CSMD1: variants seen among roughly 807,000 people sequenced by gnomAD.
The protein encoded by CSMD1 is CUB and Sushi multiple domains 1, also known as CUB and sushi domain-containing protein 1.
In CSMD1, 213 loss-of-function variants were observed where a neutral mutation model predicts 417.5. The observed-to-expected ratio is 0.51, with a 90% CI of 0.46 to 0.57. The LOEUF is 0.57. Among genes scored for constraint, CSMD1 ranks in the 20% least tolerant of loss-of-function variants. CSMD1 has a pLI of 0.00. For synonymous variants in CSMD1, 2,862 were observed against 1,736.8 expected, an observed-to-expected ratio of 1.65 and a Z score of -16.11; for missense variants, 6,923 against 4,529.7, an observed-to-expected ratio of 1.53 and a Z score of -15.17.
intron 5 of CSMD1, among the ~76,000 whole-genome samples, chr8:3,807,284 T>C (rs892992312): frequency 1.3e-5 from 2 of 152,170 alleles, no homozygotes; most frequent in South Asian, 2.1e-4. Context: ...AAGCAACCTA[T>C]ACCGCATGCC....
chr8:3,717,238 A>T (rs1405772603), intron 6 of CSMD1, among the ~76,000 whole-genome samples: 4 of 152,172 alleles, frequency 2.6e-5, no homozygotes, highest in African/African-American at 9.7e-5. Flanking sequence ...CCTTTCCATT[A>T]TGCTACATTT....
intron 5 of CSMD1, among the ~76,000 whole-genome samples, chr8:3,893,345 AT>A (rs1563184994): frequency 7.9e-6 from 1 of 127,318 alleles, no homozygotes; most frequent in Non-Finnish European, 1.7e-5. Flanking sequence ...AATTTTATAT[AT>A]ATATATATAT....
chr8:4,414,392 G>T (rs1030669427), intron 3 of CSMD1, among the ~76,000 whole-genome samples: 1 of 152,120 alleles, frequency 6.6e-6, no homozygotes, highest in Non-Finnish European at 1.5e-5. Context: ...GGACTGTATA[G>T]AACTGTAGGC....
chr8:4,080,424 C>A (rs2130810619), intron 3 of CSMD1, among the ~76,000 whole-genome samples: 1 of 152,256 alleles, frequency 6.6e-6, no homozygotes. Flanking sequence ...AGTAATCATG[C>A]CATTACATAC....
rs549730174 is a variant in CSMD1 at position 4,766,944 on chromosome 8, TTGAC to T, written c.86-129390_86-129387del. Among the ~76,000 whole-genome samples the T allele has an allele frequency of 2.2e-4, 33 of 152,346 alleles. No individual in the cohort carries two copies. The East Asian group carries it at 5.2e-3, about 24-fold the overall frequency. On this transcript the variant is annotated intron_variant, in intron 1 of 69. Transcript: ENST00000635120. The stretch of plus-strand genomic sequence containing the variant: ...TATTAAAAATATGTACAGAGACACT[TTGAC>T]TGAGTTAAGATAAGAAGATAGTCTA...
intron 49 of CSMD1, among the ~76,000 whole-genome samples, chr8:3,075,499 T>C (rs1228230963): frequency 1.3e-5 from 2 of 151,806 alleles, no homozygotes; most frequent in African/African-American, 4.8e-5. Context: ...CAGGCTGGTC[T>C]CGAACTCCCA....
At position 4,889,097 on chromosome 8, in the gene CSMD1, G is replaced by A. The variant is rs139511675; in HGVS notation, c.85+105235C>T. 1.3e-3 allele frequency among the ~76,000 whole-genome samples: 196 copies of A among 152,172 alleles called. 4 individuals are homozygous for A. The highest frequency in any genetic ancestry group is 4.3e-3 in the African/African-American group (180 of 41,468). ...AGTGAATGAACGTTTGATGAGAAACGGAATATGTGCAATGTCCGAAAGTAT... is the reference window on the plus strand; with the variant it reads ...AGTGAATGAACGTTTGATGAGAAACAGAATATGTGCAATGTCCGAAAGTAT... On this transcript the variant is annotated intron_variant, in intron 1 of 69. Coordinates refer to ENST00000635120, the MANE Select transcript of CSMD1 (RefSeq NM_033225.6).
intron 2 of CSMD1, among the ~76,000 whole-genome samples, chr8:4,463,784 G>C (rs73178987): frequency 6.6e-6 from 1 of 152,082 alleles, no homozygotes; most frequent in African/African-American, 2.4e-5. Flanking sequence ...TGGATACTGG[G>C]TTTTTTGCAT....
Position 3,492,121 on chromosome 8 carries a change from C to T in CSMD1, c.1448+1502G>A, listed in dbSNP as rs114876225. Among the ~76,000 whole-genome samples the T allele has an allele frequency of 6.7e-3, 1,018 of 152,296 alleles. 9 individuals are homozygous for T. The highest frequency in any genetic ancestry group is 0.023 in the African/African-American group (959 of 41,572). On this transcript the variant is annotated intron_variant, in intron 11 of 69. Transcript: ENST00000635120. ...CCTCCAGCAAAGGCGTGTGTCTGAA[C>T]TACTTAAGATCTTTAACCTATTGGG...
chr8:4,584,996 C>G (rs781273501), intron 2 of CSMD1, among the ~76,000 whole-genome samples: 2 of 151,718 alleles, frequency 1.3e-5, no homozygotes, highest in Non-Finnish European at 1.5e-5. Context: ...AAACCTCAAC[C>G]AGACTCTCAA....
In CSMD1 at chr8:2,978,545, G is replaced by A. The variant is rs1805128085; in HGVS notation, c.8566+67C>T. 21 of 1,268,200 alleles carry A rather than the reference G, an allele frequency of 1.7e-5. 1 individual carries two copies. In the South Asian group the frequency reaches 2.7e-4, roughly 16 times the overall value. The allele number at this position is 1,268,200 out of a possible 1,614,324, so 78.6% of individuals were successfully genotyped here. The stretch of plus-strand genomic sequence containing the variant: ...TTCAGTGCCTTTTAAATATACTTAC[G>A]GAATTTTCTGCTGATGGTGACCTTG... On this transcript the variant is annotated intron_variant, in intron 55 of 69. Transcript: ENST00000635120.
chr8:3,155,359 ATTTTTTTTTTTTT>A lies in CSMD1; in HGVS notation c.5914+2525_5914+2537del, dbSNP rs556304192. 1.2e-4 allele frequency among the ~76,000 whole-genome samples: 5 copies of A among 43,316 alleles called. 1 individual carries two copies. The highest frequency in any genetic ancestry group is 1.4e-4 in the Non-Finnish European group (3 of 21,376). The allele number at this position is 43,316 out of a possible 152,430, so 28.4% of individuals were successfully genotyped here. ...TTTTTCCTTCCAAATCAAGGCTGGG[ATTTTTTTTTTTTT>A]TTTTTTTTTTTTTGAGACAGAATCT... is the stretch of plus-strand genomic sequence containing the variant. On this transcript the variant is annotated intron_variant, in intron 39 of 69. Coordinates refer to ENST00000635120, the MANE Select transcript of CSMD1 (RefSeq NM_033225.6).
At position 3,290,356 on chromosome 8, in the gene CSMD1, C is replaced by A. The variant is rs182668177; in HGVS notation, c.3951-6010G>T. Among the ~76,000 whole-genome samples the A allele has an allele frequency of 6.8e-5, 10 of 146,672 alleles. 2 individuals carry two copies. The highest frequency in any genetic ancestry group is 2.7e-4 in the African/African-American group (10 of 36,670). On this transcript the variant is annotated intron_variant, in intron 25 of 69. Coordinates refer to ENST00000635120, the MANE Select transcript of CSMD1 (RefSeq NM_033225.6). The stretch of plus-strand genomic sequence containing the variant: ...AACTTTAAAGTAGTTTTTTCTAATT[C>A]TGTGAAGAAAGTCATTGGTAACTTG...
At chr8:4,986,370 G>C (rs1172308127) in intron 1 of CSMD1, among the ~76,000 whole-genome samples, 1 of 152,176 alleles carries the variant, frequency 6.6e-6, no homozygotes, top group Non-Finnish European at 1.5e-5. Context: ...ATTTGTTAGA[G>C]ATCAATGAAG....
In CSMD1 at chr8:3,086,673, G is replaced by C. The variant is rs1228046475; in HGVS notation, c.7474+424C>G. Among the ~76,000 whole-genome samples the C allele has an allele frequency of 3.3e-5, 5 of 152,232 alleles. No homozygotes were observed. The East Asian group carries it at 5.8e-4, about 18-fold the overall frequency. ...CTGAAATCAACTTTAACAAGCTCTA[G>C]ATTTAAATAACAAAACAAAATCAAA... On this transcript the variant is annotated intron_variant, in intron 49 of 69. Transcript: ENST00000635120.
intron 1 of CSMD1, among the ~76,000 whole-genome samples, chr8:4,742,107 T>A (rs191322872): frequency 9.5e-5 from 13 of 136,618 alleles, no homozygotes; most frequent in Admixed American, 7.5e-4. Context: ...CTCGGCTCAC[T>A]GCAAGCTCCG....
At chr8:3,498,194 A>G (rs895115236) in intron 10 of CSMD1, among the ~76,000 whole-genome samples, 1 of 152,002 alleles carries the variant, frequency 6.6e-6, no homozygotes, top group Non-Finnish European at 1.5e-5. Flanking sequence ...TCTTGCTTAT[A>G]TTTGACTTGA....
chr8:2,949,004 T>C (rs1802438267), intron 68 of CSMD1, among the ~76,000 whole-genome samples: 1 of 152,002 alleles, frequency 6.6e-6, no homozygotes, highest in Non-Finnish European at 1.5e-5. Context: ...TAGTTTTCTT[T>C]GGGTAATATA....
At position 3,715,198 on chromosome 8, in the gene CSMD1, T is replaced by G. The variant is rs1205993143; in HGVS notation, c.932-6707A>C. ...CAAATTATTCATCAAAGTACCTGTA[T>G]AGTTAAACACCCTAAGACCCATTAA... On this transcript the variant is annotated intron_variant, in intron 6 of 69. Coordinates refer to ENST00000635120, the MANE Select transcript of CSMD1 (RefSeq NM_033225.6). Among the ~76,000 whole-genome samples, 4 of 152,320 alleles carry G rather than the reference T, an allele frequency of 2.6e-5. No homozygotes were observed. The East Asian group carries it at 7.7e-4, about 29-fold the overall frequency.
Sources: allele counts gnomAD v4.1 joint callset (sites outside exome capture counted in the v4.1 genomes callset), GRCh38; gene constraint gnomAD v4.1.1; transcripts MANE v1.5; gene names NCBI Gene and HGNC (gene_info 2026-07-23, HGNC 2026-07-21).